EYS: variants seen among roughly 807,000 people sequenced by gnomAD.
EYS encodes protein eyes shut homolog.
A neutral mutation model predicts 282.1 loss-of-function variants in EYS; 250 were observed. The observed-to-expected ratio is 0.89, with a 90% CI of 0.80 to 0.98. The LOEUF is 0.98. Among genes scored for constraint, EYS ranks in the 50% least tolerant of loss-of-function variants. EYS has a pLI of 0.00. For missense variants in EYS, 4,016 were observed against 3,709.0 expected (o/e 1.08, Z -2.15); for synonymous variants, 1,355 against 1,282.9 (o/e 1.06, Z -1.20).
intron 33 of EYS, among the ~76,000 whole-genome samples, chr6:64,016,691 G>A (rs148207381): frequency 5.9e-4 from 90 of 152,082 alleles, no homozygotes; most frequent in African/African-American, 1.9e-3. Context: ...GCCAAGGCTG[G>A]CCTCAAACTA....
chr6:64,110,568 C>A (rs1205332142), intron 31 of EYS, among the ~76,000 whole-genome samples: 1 of 151,908 alleles, frequency 6.6e-6, no homozygotes, highest in Admixed American at 6.6e-5. Flanking sequence ...ATGATCTATT[C>A]TGAAGATGCA....
chr6:64,485,220 AGAG>A (rs1289707141), intron 26 of EYS, among the ~76,000 whole-genome samples: 1 of 151,602 alleles, frequency 6.6e-6, no homozygotes, highest in African/African-American at 2.4e-5. Flanking sequence ...GTAGGAAGGA[AGAG>A]AAGAACAGGG....
At chr6:65,225,643 G>A (rs1445072542) in intron 12 of EYS, among the ~76,000 whole-genome samples, 3 of 151,484 alleles carry the variant, frequency 2.0e-5, no homozygotes, top group Non-Finnish European at 4.4e-5. Context: ...GAACCTGGGA[G>A]GTGGAGGTTG....
At chr6:65,490,858 A>C (rs1475382564) in intron 4 of EYS, 151 bp from the exon 5 acceptor site, 7 of 604,374 alleles carry the variant, frequency 1.2e-5, no homozygotes, top group Non-Finnish European at 2.1e-5. Context: ...TTTAAATTGA[A>C]ATAAAAATTA....
intron 26 of EYS, among the ~76,000 whole-genome samples, chr6:64,449,545 A>C (rs951162463): frequency 6.6e-6 from 1 of 152,176 alleles, no homozygotes; most frequent in African/African-American, 2.4e-5. Context: ...ACTCCAAGAC[A>C]CATAATTGTC....
intron 8 of EYS, among the ~76,000 whole-genome samples, chr6:65,381,294 G>T (rs931203609): frequency 6.6e-6 from 1 of 151,994 alleles, no homozygotes; most frequent in Admixed American, 6.6e-5. Context: ...TCATAAAAAA[G>T]AATGAGTTCA....
intron 19 of EYS, among the ~76,000 whole-genome samples, chr6:64,824,749 C>A (rs1765000111): frequency 6.6e-6 from 1 of 151,898 alleles, no homozygotes; most frequent in African/African-American, 2.4e-5. Flanking sequence ...ACAAAAGACA[C>A]TTCACTCTGT....
intron 33 of EYS, among the ~76,000 whole-genome samples, chr6:64,051,598 A>G (rs1770812476): frequency 6.6e-6 from 1 of 152,132 alleles, no homozygotes; most frequent in Non-Finnish European, 1.5e-5. Flanking sequence ...ACTTGCCCAT[A>G]GTTTTTTAAA....
chr6:63,882,934 G>A (rs965773227), intron 35 of EYS, among the ~76,000 whole-genome samples: 21 of 152,218 alleles, frequency 1.4e-4, no homozygotes, highest in Admixed American at 6.5e-4. Flanking sequence ...ACTATACAGA[G>A]GCTAGATCAT....
At chr6:63,766,716 C>G (rs1365759337) in intron 40 of EYS, among the ~76,000 whole-genome samples, 2 of 151,946 alleles carry the variant, frequency 1.3e-5, no homozygotes, top group South Asian at 2.1e-4. Flanking sequence ...GAGAAGGAAT[C>G]TAAGGAAGAG....
chr6:65,151,338 G>C lies in EYS; in HGVS notation c.2024-93611C>G, dbSNP rs77338998. ...TTCATCTGTAGAAGATAGGGAAGGA[G>C]AGATAATTGGGCAGAGGGACAATTT... On this transcript the variant is annotated intron_variant, in intron 12 of 42. Transcript: ENST00000503581. Among the ~76,000 whole-genome samples the C allele has an allele frequency of 1.2e-3, 189 of 152,078 alleles. 2 individuals carry two copies. Among genetic ancestry groups the C allele is most frequent in the African/African-American group, 4.3e-3 (178 of 41,538 alleles).
At chr6:64,889,756 G>A (rs917478302) in intron 18 of EYS, among the ~76,000 whole-genome samples, 9 of 152,004 alleles carry the variant, frequency 5.9e-5, no homozygotes, top group African/African-American at 2.2e-4. Flanking sequence ...TGAGGAAGAT[G>A]TATGTCGCCT....
At chr6:64,913,574 C>T (rs1327241400) in intron 15 of EYS, among the ~76,000 whole-genome samples, 1 of 152,094 alleles carries the variant, frequency 6.6e-6, no homozygotes, top group African/African-American at 2.4e-5. Context: ...CATATTGCTG[C>T]AAAGGACATG....
chr6:65,443,153 T>C (rs114610465), intron 5 of EYS, among the ~76,000 whole-genome samples: 1,562 of 147,920 alleles, frequency 0.011, 35 homozygotes, highest in African/African-American at 0.036. Context: ...GTACACATCA[T>C]ACACATATAT....
chr6:63,885,954 C>T (rs533566469), intron 35 of EYS, among the ~76,000 whole-genome samples: 78 of 152,238 alleles, frequency 5.1e-4, no homozygotes, highest in Non-Finnish European at 7.8e-4. Context: ...GAACAATAAA[C>T]GACTGACTGA....
At chr6:64,682,676 A>T (rs983343916) in intron 22 of EYS, among the ~76,000 whole-genome samples, 1 of 152,176 alleles carries the variant, frequency 6.6e-6, no homozygotes, top group African/African-American at 2.4e-5. Flanking sequence ...ACCCTAAGGG[A>T]GTAGTATTGA....
intron 1 of EYS, among the ~76,000 whole-genome samples, chr6:65,664,297 A>C (rs1051107648): frequency 6.6e-6 from 1 of 152,182 alleles, no homozygotes; most frequent in Non-Finnish European, 1.5e-5. Context: ...CCATGCACAC[A>C]GAAGAAAGGG....
At chr6:64,105,921 AC>A (rs1019343303) in intron 31 of EYS, among the ~76,000 whole-genome samples, 6 of 152,092 alleles carry the variant, frequency 3.9e-5, no homozygotes, top group African/African-American at 1.4e-4. Context: ...CCATCTCCTT[AC>A]TTTTAAGCTA....
At chr6:63,856,644 T>G (rs1339388784) in intron 36 of EYS, among the ~76,000 whole-genome samples, 1 of 152,212 alleles carries the variant, frequency 6.6e-6, no homozygotes, top group Non-Finnish European at 1.5e-5. Flanking sequence ...ATGGAAATAG[T>G]TTTAAGATGA....
Sources: allele counts gnomAD v4.1 joint callset (sites outside exome capture counted in the v4.1 genomes callset), GRCh38; gene constraint gnomAD v4.1.1; transcripts MANE v1.5; gene names NCBI Gene and HGNC (gene_info 2026-07-23, HGNC 2026-07-21).